Variants in RCAN2 observed in about 807,000 individuals in gnomAD.
The protein encoded by RCAN2 is regulator of calcineurin 2, also known as calcipressin-2.
RCAN2 carries 9 observed loss-of-function variants against 23.6 expected under a neutral mutation model. The observed-to-expected ratio is 0.38, with a 90% CI of 0.23 to 0.67. RCAN2 has a LOEUF of 0.67. RCAN2 is among the 30% of genes least tolerant of loss of function. RCAN2 has a pLI of 0.51. For synonymous variants in RCAN2, 109 were observed against 115.7 expected (o/e 0.94, Z 0.37); for missense variants, 273 against 302.3 (o/e 0.90, Z 0.72).
chr6:46,418,624 G>C (rs565702232), intron 2 of RCAN2, among the ~76,000 whole-genome samples: 1 of 151,080 alleles, frequency 6.6e-6, no homozygotes, highest in African/African-American at 2.4e-5. Context: ...CACTCTGGGG[G>C]AGTGGCTTAA....
chr6:46,235,521 G>A (rs951398399), intron 4 of RCAN2, among the ~76,000 whole-genome samples: 3 of 152,126 alleles, frequency 2.0e-5, no homozygotes, highest in Non-Finnish European at 2.9e-5. Flanking sequence ...ACTTACTGAC[G>A]TCTCTCTACA....
chr6:46,449,542 CA>C (rs1195098690), intron 2 of RCAN2, among the ~76,000 whole-genome samples: 2 of 148,516 alleles, frequency 1.3e-5, no homozygotes, highest in African/African-American at 4.9e-5. Flanking sequence ...TCTGAATAGC[CA>C]AAACAATCTT....
intron 2 of RCAN2, among the ~76,000 whole-genome samples, chr6:46,434,670 C>T (rs1463256622): frequency 6.6e-6 from 1 of 152,162 alleles, no homozygotes; most frequent in African/African-American, 2.4e-5. Flanking sequence ...AAGATGAGGT[C>T]CTAGAACAGA....
At chr6:46,389,334 T>C (rs1262912621) in intron 2 of RCAN2, among the ~76,000 whole-genome samples, 1 of 152,210 alleles carries the variant, frequency 6.6e-6, no homozygotes, top group Admixed American at 6.5e-5. Flanking sequence ...CCCAGTTTTC[T>C]TTACACTGTT....
At chr6:46,288,602 A>G (rs1762445095) in intron 2 of RCAN2, among the ~76,000 whole-genome samples, 1 of 152,252 alleles carries the variant, frequency 6.6e-6, no homozygotes, top group Non-Finnish European at 1.5e-5. Context: ...TGCATTTCTG[A>G]AGAAATAGAG....
chr6:46,347,129 C>T (rs1227943376), intron 2 of RCAN2, among the ~76,000 whole-genome samples: 1 of 152,172 alleles, frequency 6.6e-6, no homozygotes, highest in African/African-American at 2.4e-5. Flanking sequence ...CCTGCCTCGG[C>T]CTCCCAAAGT....
chr6:46,272,041 C>A (rs2150333439), intron 2 of RCAN2, among the ~76,000 whole-genome samples: 1 of 152,298 alleles, frequency 6.6e-6, no homozygotes, highest in East Asian at 1.9e-4. Context: ...CAGATATTAT[C>A]ACTTTTTAAT....
chr6:46,270,184 T>C (rs982070880), intron 2 of RCAN2, among the ~76,000 whole-genome samples: 4 of 151,666 alleles, frequency 2.6e-5, no homozygotes, highest in African/African-American at 9.7e-5. Context: ...AGGAGTCAAG[T>C]GAGTATAGGG....
chr6:46,275,596 C>T (rs1029111875), intron 2 of RCAN2, among the ~76,000 whole-genome samples: 3 of 152,076 alleles, frequency 2.0e-5, no homozygotes, highest in East Asian at 3.9e-4. Context: ...ATAAGCATCA[C>T]CTAGTTTTTT....
At chr6:46,311,388 G>T (rs1245763590) in intron 2 of RCAN2, among the ~76,000 whole-genome samples, 2 of 152,200 alleles carry the variant, frequency 1.3e-5, no homozygotes, top group East Asian at 1.9e-4. Context: ...CCAACCAATG[G>T]CTGTAAAAGA....
intron 1 of RCAN2, among the ~76,000 whole-genome samples, chr6:46,477,765 T>C (rs1002020147): frequency 1.5e-4 from 23 of 152,272 alleles, no homozygotes; most frequent in African/African-American, 5.1e-4. Context: ...CCGGCAAGGA[T>C]GTAAGACACA....
intron 2 of RCAN2, among the ~76,000 whole-genome samples, chr6:46,334,179 T>C (rs182402753): frequency 5.6e-4 from 85 of 152,292 alleles, no homozygotes; most frequent in African/African-American, 2.0e-3. Flanking sequence ...CCTTTCACTA[T>C]CTCCTTAGCC....
chr6:46,477,295 T>C (rs1481329919), intron 1 of RCAN2, among the ~76,000 whole-genome samples: 1 of 152,220 alleles, frequency 6.6e-6, no homozygotes, highest in Non-Finnish European at 1.5e-5. Flanking sequence ...AGCTGATCCA[T>C]TTTTAGGATA....
chr6:46,233,582 C>T (rs919626922), intron 4 of RCAN2, among the ~76,000 whole-genome samples: 3 of 152,162 alleles, frequency 2.0e-5, no homozygotes, highest in African/African-American at 4.8e-5. Context: ...CCAGAGAATT[C>T]GGAGATCTCA....
Position 46,298,513 on chromosome 6 carries a change from C to A in RCAN2, c.226-49617G>T, listed in dbSNP as rs1010566585. Among the ~76,000 whole-genome samples the A allele has an allele frequency of 2.0e-5, 3 of 152,036 alleles. No individual in the cohort carries two copies. In the South Asian group the frequency reaches 6.2e-4, roughly 32 times the overall value. On this transcript the variant is annotated intron_variant, in intron 2 of 4. Transcript: ENST00000371374. ...CGATGTTACCAGTACTTATGCTAAA[C>A]CAATAATTTTTCAGATTTTGGTAAA...
chr6:46,488,837 A>G (rs1168897781), intron 1 of RCAN2, among the ~76,000 whole-genome samples: 1 of 152,030 alleles, frequency 6.6e-6, no homozygotes, highest in Non-Finnish European at 1.5e-5. Flanking sequence ...TCTTTCCTCC[A>G]GGCCATCTGG....
In RCAN2 at chr6:46,223,050, C is replaced by T; in HGVS notation, c.*91G>A. ...AAGGAATCTCAAACAACCAAACACCCAGGAATTTAAAGGCAATTTTTTTTG... is the reference window on the plus strand; with the variant it reads ...AAGGAATCTCAAACAACCAAACACCTAGGAATTTAAAGGCAATTTTTTTTG... On this transcript the variant is annotated 3_prime_UTR_variant, in exon 5 of 5. Coordinates refer to ENST00000371374, the MANE Select transcript of RCAN2 (RefSeq NM_001251974.2). 1 of 1,406,504 alleles carries T rather than the reference C, an allele frequency of 7.1e-7. No homozygotes were observed. The highest frequency in any genetic ancestry group is 2.6e-4 in the Middle Eastern group (1 of 3,820). The allele number at this position is 1,406,504 out of a possible 1,614,324, so 87.1% of individuals were successfully genotyped here. A position where few individuals can be genotyped will look rare whatever the true frequency, so the allele number is the denominator to read the frequency against.
chr6:46,416,072 T>A (rs1389276566), intron 2 of RCAN2, among the ~76,000 whole-genome samples: 1 of 152,204 alleles, frequency 6.6e-6, no homozygotes, highest in African/African-American at 2.4e-5. Context: ...ACAGACACAG[T>A]ATTTTTTAAT....
chr6:46,250,114 A>T (rs1766660432), intron 2 of RCAN2, among the ~76,000 whole-genome samples: 1 of 152,238 alleles, frequency 6.6e-6, no homozygotes, highest in Admixed American at 6.5e-5. Context: ...GGATACAGAG[A>T]TGAGTATCAC....
Sources: gnomAD v4.1 joint callset for allele counts (sites outside exome capture counted in the v4.1 genomes callset) on GRCh38, gnomAD v4.1.1 for gene constraint, MANE v1.5 for transcripts, NCBI Gene and HGNC (gene_info 2026-07-23, HGNC 2026-07-21) for gene names.